Variants in CUX1 observed in about 807,000 individuals in gnomAD.
The protein encoded by CUX1 is protein CASP.
CUX1 carries 31 observed loss-of-function variants against 158.8 expected under a neutral mutation model. That is an observed-to-expected ratio of 0.20 (90% CI 0.15 to 0.26). CUX1 has a LOEUF of 0.26. CUX1 is among the 10% of genes least tolerant of loss of function. CUX1 has a pLI of 1.00. For missense variants in CUX1, 1,589 were observed against 2,014.6 expected, an observed-to-expected ratio of 0.79 and a Z score of 4.04; for synonymous variants, 879 against 862.1, an observed-to-expected ratio of 1.02 and a Z score of -0.34.
At chr7:102,174,409 G>T (rs1475620495) in intron 10 of CUX1, among the ~76,000 whole-genome samples, 1 of 151,608 alleles carries the variant, frequency 6.6e-6, no homozygotes, top group Admixed American at 6.6e-5. Flanking sequence ...GTGAGCCACC[G>T]CACCCAGCCT....
intron 2 of CUX1, among the ~76,000 whole-genome samples, chr7:101,995,985 C>A (rs1374408382): frequency 6.6e-6 from 1 of 151,940 alleles, no homozygotes; most frequent in Non-Finnish European, 1.5e-5. Flanking sequence ...TGGTGGTGCA[C>A]ACCTGTAGCC....
At chr7:101,939,471 G>C (rs2906651) in intron 2 of CUX1, among the ~76,000 whole-genome samples, 2 of 152,148 alleles carry the variant, frequency 1.3e-5, no homozygotes, top group Non-Finnish European at 2.9e-5. Context: ...CCTAACCCTC[G>C]TCTGAACGAT....
intron 23 of CUX1, among the ~76,000 whole-genome samples, chr7:102,241,818 G>T (rs1416814415): frequency 6.6e-6 from 1 of 152,194 alleles, no homozygotes; most frequent in African/African-American, 2.4e-5. Context: ...ACAAAATCCA[G>T]GATTAGCCAG....
intron 2 of CUX1, among the ~76,000 whole-genome samples, chr7:101,997,430 G>A (rs909024952): frequency 2.6e-5 from 4 of 152,110 alleles, no homozygotes; most frequent in Non-Finnish European, 5.9e-5. Flanking sequence ...TGCAACCTCC[G>A]CCTCTTGGGT....
chr7:102,103,854 A>G lies in CUX1; in HGVS notation c.407-482A>G, dbSNP rs538838753. Reference sequence around the variant, plus strand: ...ATACAGGCATGCAATGTGAAACATCACATCATAGAGAATGGGGTACCGTAG... The same window carrying G: ...ATACAGGCATGCAATGTGAAACATCGCATCATAGAGAATGGGGTACCGTAG... On this transcript the variant is annotated intron_variant, in intron 5 of 23. Transcript: ENST00000292535. Among the ~76,000 whole-genome samples, 4 of 152,120 alleles carry G rather than the reference A, an allele frequency of 2.6e-5. No homozygotes were observed. In the East Asian group the frequency reaches 5.8e-4, roughly 22 times the overall value.
intron 4 of CUX1, among the ~76,000 whole-genome samples, chr7:102,094,806 G>C (rs782113891): frequency 3.3e-5 from 5 of 152,172 alleles, no homozygotes; most frequent in Non-Finnish European, 7.3e-5. Context: ...CTGTGAACGG[G>C]CTGTTCACTT....
chr7:102,203,108 G>A (rs577383981), intron 18 of CUX1, among the ~76,000 whole-genome samples: 7 of 151,968 alleles, frequency 4.6e-5, no homozygotes, highest in Non-Finnish European at 8.8e-5. Context: ...CTGGGATTAC[G>A]AGTGCCCACC....
At chr7:102,170,927 C>T (rs994353993) in intron 10 of CUX1, among the ~76,000 whole-genome samples, 3 of 141,568 alleles carry the variant, frequency 2.1e-5, no homozygotes, top group African/African-American at 5.1e-5. Context: ...TGAGGGTTTC[C>T]GCTGTGCCTT....
intron 1 of CUX1, among the ~76,000 whole-genome samples, chr7:101,883,559 T>TA (rs1554404578): frequency 6.6e-6 from 1 of 151,354 alleles, no homozygotes; most frequent in Non-Finnish European, 1.5e-5. Flanking sequence ...GCAATTGATC[T>TA]ATAGTTATTT....
chr7:102,164,876 CAA>C (rs1470614050), intron 9 of CUX1, among the ~76,000 whole-genome samples: 1 of 151,962 alleles, frequency 6.6e-6, no homozygotes, highest in African/African-American at 2.4e-5. Flanking sequence ...AAGCAGAGAA[CAA>C]GAGACAAAAC....
intron 8 of CUX1, among the ~76,000 whole-genome samples, chr7:102,151,085 C>T (rs1264742754): frequency 6.6e-6 from 1 of 152,244 alleles, no homozygotes; most frequent in African/African-American, 2.4e-5. Flanking sequence ...ACTGTTGACA[C>T]TCACACCATG....
chr7:102,020,753 G>A (rs372030458), intron 2 of CUX1, among the ~76,000 whole-genome samples: 54 of 152,122 alleles, frequency 3.5e-4, no homozygotes, highest in African/African-American at 1.0e-3. Context: ...GGTGGCGGGC[G>A]CCTGTAATCC....
At chr7:101,950,117 C>G (rs1416172080) in intron 2 of CUX1, among the ~76,000 whole-genome samples, 3 of 152,162 alleles carry the variant, frequency 2.0e-5, no homozygotes. Flanking sequence ...TTTAAGCGTT[C>G]TCGTGCCTCA....
Position 102,256,428 on chromosome 7 carries a change from ACT to A in CUX1, c.*7389_*7390del. The stretch of plus-strand genomic sequence containing the variant: ...GTTGTCATAAATGCTTTTTGCTGTC[ACT>A]CTAGTGGTTACTATCCTCTGCCTTC... On this transcript the variant is annotated 3_prime_UTR_variant, in exon 24 of 24. Transcript: ENST00000292535. 1.0e-6 allele frequency: 1 copy of A among 985,126 alleles called. No homozygotes were observed. The highest frequency in any genetic ancestry group is 1.1e-4 in the East Asian group (1 of 8,812). The allele number at this position is 985,126 out of a possible 1,614,324, so 61.0% of individuals were successfully genotyped here. A position where few individuals can be genotyped will look rare whatever the true frequency, so the allele number is the denominator to read the frequency against.
intron 2 of CUX1, among the ~76,000 whole-genome samples, chr7:101,924,171 G>C (rs1241812513): frequency 3.9e-5 from 6 of 152,114 alleles, no homozygotes; most frequent in African/African-American, 1.4e-4. Context: ...GAGGAGGACA[G>C]AGGATGGGAA....
intron 3 of CUX1, among the ~76,000 whole-genome samples, chr7:102,068,098 G>T (rs1036890404): frequency 6.6e-6 from 1 of 151,604 alleles, no homozygotes; most frequent in African/African-American, 2.4e-5. Flanking sequence ...TGTTGTTGTT[G>T]TTGTTTAATT....
At chr7:102,228,445 G>A (rs1255597613) in intron 21 of CUX1, among the ~76,000 whole-genome samples, 1 of 152,022 alleles carries the variant, frequency 6.6e-6, no homozygotes, top group African/African-American at 2.4e-5. Context: ...GATCACTTGA[G>A]CCCAAGAGTT....
intron 7 of CUX1, among the ~76,000 whole-genome samples, chr7:102,113,980 G>A (rs1325555758): frequency 1.3e-5 from 2 of 152,196 alleles, no homozygotes; most frequent in East Asian, 1.9e-4. Flanking sequence ...CATGGAAGGA[G>A]CCTCTTGGGA....
intron 2 of CUX1, among the ~76,000 whole-genome samples, chr7:101,990,969 T>A (rs202163): frequency 6.6e-6 from 1 of 152,250 alleles, no homozygotes; most frequent in African/African-American, 2.4e-5. Flanking sequence ...CTCTCAGATA[T>A]GTATTTCCGC....
Sources: allele counts gnomAD v4.1 joint callset (sites outside exome capture counted in the v4.1 genomes callset), GRCh38; gene constraint gnomAD v4.1.1; transcripts MANE v1.5; gene names NCBI Gene and HGNC (gene_info 2026-07-23, HGNC 2026-07-21).